The following TDRD5 variants were observed in gnomAD, a reference collection of about 807,000 sequenced individuals.
The protein encoded by TDRD5 is tudor domain containing 5.
In TDRD5, 41 loss-of-function variants were observed where a neutral mutation model predicts 120.6. That is an observed-to-expected ratio of 0.34 (90% confidence interval 0.26 to 0.44). The LOEUF is 0.44. Ranked by LOEUF, TDRD5 falls within the 20% of genes least tolerant of loss-of-function variation. The pLI is 1.00. For missense variants in TDRD5, 1,006 were observed against 1,221.2 expected (o/e 0.82, Z 2.63); for synonymous variants, 430 against 433.7 (o/e 0.99, Z 0.11).
At chr1:179,636,766 G>A (rs1677784525) in intron 9 of TDRD5, among the ~76,000 whole-genome samples, 1 of 152,214 alleles carries the variant, frequency 6.6e-6, no homozygotes. Context: ...AGTGGTGAAT[G>A]CAACATTTCC....
chr1:179,635,646 T>G (rs1677721789), intron 8 of TDRD5, 21 bp from the exon 9 acceptor site: 1 of 1,553,480 alleles, frequency 6.4e-7, no homozygotes. Flanking sequence ...AGATTTTTAA[T>G]TTTTTTTTTC....
At position 179,595,663 on chromosome 1, in the gene TDRD5, G is replaced by A. The variant is rs762028600; in HGVS notation, c.676G>A (p.Gly226Arg). ...TACCCAGCCATTTAGAATGAAACAA[G>A]GGTCATACTCCACAGGCTTTCCGGT... ...IFTQPFRMKQGSYSTGFPVAK... is the reference protein window; with the variant it reads ...IFTQPFRMKQRSYSTGFPVAK... Residue 226 changes from glycine (G) to arginine (R), a missense_variant, in exon 4 of 18, where the codon GGG (glycine) becomes AGG (arginine). Gly to Arg is a moderately radical substitution (Grantham distance 125). Transcript: ENST00000444136. 1 of 1,608,738 alleles carries A rather than the reference G, an allele frequency of 6.2e-7. No individual in the cohort carries two copies. The highest frequency in any genetic ancestry group is 8.5e-7 in the Non-Finnish European group (1 of 1,178,268).
intron 15 of TDRD5, 102 bp downstream of exon 15, chr1:179,662,388 C>A: frequency 1.6e-6 from 2 of 1,268,482 alleles, no homozygotes; most frequent in South Asian, 1.6e-5. Flanking sequence ...ATCAGTTGAG[C>A]TCAGGAGTTC....
At chr1:179,625,015 T>A (rs1216717737) in intron 6 of TDRD5, among the ~76,000 whole-genome samples, 1 of 151,990 alleles carries the variant, frequency 6.6e-6, no homozygotes, top group Non-Finnish European at 1.5e-5. Context: ...GGCTCATGCC[T>A]GTAACCTCAG....
intron 11 of TDRD5, 82 bp from the exon 12 acceptor site, chr1:179,650,785 A>C (rs1169230307): frequency 1.2e-5 from 16 of 1,389,898 alleles, no homozygotes; most frequent in Non-Finnish European, 1.6e-5. Context: ...TCTCTAGTTC[A>C]TCAGAATTCA....
intron 17 of TDRD5, among the ~76,000 whole-genome samples, chr1:179,688,603 T>C (rs1356687650): frequency 6.6e-6 from 1 of 152,226 alleles, no homozygotes; most frequent in Non-Finnish European, 1.5e-5. Flanking sequence ...CCTTGCTAGG[T>C]TGGGGAAGTT....
At chr1:179,610,059 C>T (rs1399675571) in intron 4 of TDRD5, among the ~76,000 whole-genome samples, 2 of 152,114 alleles carry the variant, frequency 1.3e-5, no homozygotes, top group Admixed American at 1.3e-4. Flanking sequence ...GGGTTCAAGG[C>T]TCACCTCTCA....
intron 4 of TDRD5, among the ~76,000 whole-genome samples, chr1:179,610,558 T>G (rs915960728): frequency 2.6e-5 from 4 of 152,168 alleles, no homozygotes; most frequent in African/African-American, 9.7e-5. Context: ...TTCCATACTT[T>G]CTAATTATAT....
chr1:179,650,149 C>T (rs573618496), intron 11 of TDRD5, among the ~76,000 whole-genome samples: 31 of 152,218 alleles, frequency 2.0e-4, no homozygotes, highest in African/African-American at 7.2e-4. Context: ...GCCTGTAATC[C>T]TAGAACCTTG....
intron 6 of TDRD5, among the ~76,000 whole-genome samples, chr1:179,630,201 G>C (rs1338013271): frequency 6.6e-6 from 1 of 152,124 alleles, no homozygotes; most frequent in African/African-American, 2.4e-5. Context: ...GTTTCACCGT[G>C]TTAGCCAGGA....
At chr1:179,648,459 G>GGT (rs1678523512) in intron 11 of TDRD5, among the ~76,000 whole-genome samples, 1 of 84,326 alleles carries the variant, frequency 1.2e-5, no homozygotes, top group African/African-American at 4.0e-5. Context: ...GGGTGGGGGG[G>GGT]GGGAGGGATA....
chr1:179,614,018 C>T (rs1274867709), intron 4 of TDRD5, among the ~76,000 whole-genome samples: 1 of 152,132 alleles, frequency 6.6e-6, no homozygotes, highest in African/African-American at 2.4e-5. Flanking sequence ...CCATGTGCAT[C>T]CTCTTTCCAA....
chr1:179,675,277 T>TATTATTA (rs757313370), intron 17 of TDRD5, among the ~76,000 whole-genome samples: 7 of 125,196 alleles, frequency 5.6e-5, no homozygotes, highest in African/African-American at 2.2e-4. Flanking sequence ...ATTATTATTT[T>TATTATTA]TTTTTTTTTT....
At chr1:179,654,803 C>T (rs993785540) in intron 14 of TDRD5, among the ~76,000 whole-genome samples, 2 of 151,866 alleles carry the variant, frequency 1.3e-5, no homozygotes, top group Non-Finnish European at 1.5e-5. Context: ...AAAATGTGTT[C>T]ATAGTAACCA....
In TDRD5 at chr1:179,662,253, T is replaced by A; in HGVS notation, c.2472T>A (p.Asn824Lys). 6.2e-7 allele frequency: 1 copy of A among 1,607,426 alleles called. No individual in the cohort carries two copies. Among genetic ancestry groups the A allele is most frequent in the Non-Finnish European group, 8.5e-7 (1 of 1,178,140 alleles). ...TTACTGCAAGCCTTGGTGGAAAGAATCAGTATTCATCATGTAAAGAAATGC... is the reference window on the plus strand; with the variant it reads ...TTACTGCAAGCCTTGGTGGAAAGAAACAGTATTCATCATGTAAAGAAATGC... The part of the protein sequence containing the change: ...HLFTASLGGK[N>K]QYSSCKEMPQ... Residue 824 changes from asparagine to lysine, a missense_variant, in exon 15 of 18, where the codon AAT (asparagine) becomes AAA (lysine). Asn to Lys is a moderately conservative substitution (Grantham distance 94). Coordinates refer to ENST00000444136, the MANE Select transcript of TDRD5 (RefSeq NM_001199085.3).
chr1:179,607,446 T>A (rs10798699), intron 4 of TDRD5, among the ~76,000 whole-genome samples: 14,581 of 152,136 alleles, frequency 0.096, 798 homozygotes, highest in African/African-American at 0.13. Flanking sequence ...TTGCTAGGAC[T>A]CCAGCAAGAT....
In TDRD5 at chr1:179,592,666, A is replaced by G. The variant is rs748897885; in HGVS notation, c.51A>G (p.Ser17=). The part of the protein sequence containing the change: ...IQECLRKEIR[S]LLISTKDGLS... Reference sequence around the variant, plus strand: ...AATGTCTGCGGAAGGAAATAAGGTCACTTCTCATTTCCACCAAAGATGGTT... The same window carrying G: ...AATGTCTGCGGAAGGAAATAAGGTCGCTTCTCATTTCCACCAAAGATGGTT... Residue 17 remains serine, a synonymous_variant, in exon 2 of 18, where the codon TCA becomes TCG. Coordinates refer to ENST00000444136, the MANE Select transcript of TDRD5 (RefSeq NM_001199085.3). The G allele has an allele frequency of 2.5e-6, 4 of 1,614,078 alleles. No individual in the cohort carries two copies. The highest frequency in any genetic ancestry group is 3.4e-6 in the Non-Finnish European group (4 of 1,180,020).
intron 3 of TDRD5, 110 bp downstream of exon 3, chr1:179,593,977 G>A (rs1675254681): frequency 7.2e-7 from 1 of 1,391,502 alleles, no homozygotes; most frequent in African/African-American, 1.4e-5. Flanking sequence ...CTTGCCAGCT[G>A]AGTGGTCTCA....
intron 3 of TDRD5, 90 bp downstream of exon 3, chr1:179,593,957 G>C (rs1386784242): frequency 6.8e-7 from 1 of 1,480,734 alleles, no homozygotes; most frequent in African/African-American, 1.4e-5. Flanking sequence ...GTTGAAGCCT[G>C]GCTCTACTAC....
Sources: gnomAD v4.1 joint callset for allele counts (sites outside exome capture counted in the v4.1 genomes callset) on GRCh38, gnomAD v4.1.1 for gene constraint, MANE v1.5 for transcripts, NCBI Gene and HGNC (gene_info 2026-07-23, HGNC 2026-07-21) for gene names.